ABI1: variants seen among roughly 807,000 people sequenced by gnomAD.
ABI1 encodes abl interactor 1, also known as Abelson interactor 1.
A neutral mutation model predicts 54.6 loss-of-function variants in ABI1; 14 were observed. The ratio of observed to expected loss-of-function variants is 0.26; its 90% CI spans 0.17 to 0.40. ABI1 has a LOEUF of 0.40. Ranked by LOEUF, ABI1 falls within the 10% of genes least tolerant of loss-of-function variation. The pLI is 1.00. For missense variants in ABI1, 443 were observed against 598.3 expected, an observed-to-expected ratio of 0.74 and a Z score of 2.71; for synonymous variants, 194 against 209.3, an observed-to-expected ratio of 0.93 and a Z score of 0.63.
Position 26,809,036 on chromosome 10 carries a change from G to A in ABI1, c.285+14102C>T, listed in dbSNP as rs2927920. Among the ~76,000 whole-genome samples the A allele has an allele frequency of 4.6e-3, 698 of 152,102 alleles. 1 individual carries two copies. Among genetic ancestry groups the A allele is most frequent in the Non-Finnish European group, 7.4e-3 (503 of 67,976 alleles). ...TGTAATCCCAGCACTTTGGGAGGCC[G>A]AGGCAGGCGGATCACCTGAGGTCAG... On this transcript the variant is annotated intron_variant, in intron 2 of 10. Coordinates refer to ENST00000376140, the MANE Select transcript of ABI1 (RefSeq NM_001012750.3).
chr10:26,834,007 T>C (rs764713911), intron 1 of ABI1, among the ~76,000 whole-genome samples: 4 of 152,044 alleles, frequency 2.6e-5, no homozygotes, highest in Non-Finnish European at 5.9e-5. Context: ...AGTGGGTGGA[T>C]CACCTGAGGT....
chr10:26,817,562 GGA>G lies in ABI1; in HGVS notation c.285+5574_285+5575del, dbSNP rs141720092. ...TGAGGTGGGAGGATCACTTGCGGAT[GGA>G]GAGTTAGTGCTTAACAGGTACATTG... On this transcript the variant is annotated intron_variant, in intron 2 of 10. Transcript: ENST00000376140. Among the ~76,000 whole-genome samples, 652 of 152,258 alleles carry G rather than the reference GGA, an allele frequency of 4.3e-3. 4 individuals carry two copies. The highest frequency in any genetic ancestry group is 0.015 in the African/African-American group (611 of 41,538).
Position 26,773,215 on chromosome 10 carries a change from C to CTTTTTTTTTTTTTT in ABI1, c.463-2127_463-2126insAAAAAAAAAAAAAA, listed in dbSNP as rs58739177. Among the ~76,000 whole-genome samples the CTTTTTTTTTTTTTT allele has an allele frequency of 3.8e-4, 35 of 92,468 alleles. 1 individual carries two copies. The highest frequency in any genetic ancestry group is 1.4e-3 in the East Asian group (3 of 2,198). 60.7% of individuals were successfully genotyped at this position (92,468 alleles called of 152,430 possible). A position where few individuals can be genotyped will look rare whatever the true frequency, so the allele number is the denominator to read the frequency against. ...AGGCACTAAATGTCTAATGCTAATT[C>CTTTTTTTTTTTTTT]TTTTTTTTTTTTTGCTGGCTCTGTT... On this transcript the variant is annotated intron_variant, in intron 3 of 10. Transcript: ENST00000376140.
intron 2 of ABI1, among the ~76,000 whole-genome samples, chr10:26,821,238 C>CTTGTCT (rs2047957140): frequency 2.1e-5 from 1 of 46,838 alleles, no homozygotes; most frequent in African/African-American, 9.8e-5. Context: ...GAGCAAGACT[C>CTTGTCT]CATCTAAAAA....
chr10:26,766,725 G>C (rs1170466420), intron 6 of ABI1, among the ~76,000 whole-genome samples: 1 of 152,032 alleles, frequency 6.6e-6, no homozygotes, highest in Non-Finnish European at 1.5e-5. Context: ...ACAAGGGGTT[G>C]GCAAATTATG....
At chr10:26,854,899 G>A (rs976544342) in intron 1 of ABI1, among the ~76,000 whole-genome samples, 3 of 152,188 alleles carry the variant, frequency 2.0e-5, no homozygotes, top group Non-Finnish European at 4.4e-5. Context: ...AGGCAAGGAT[G>A]CAGGAAAAGA....
chr10:26,804,251 T>C (rs920420536), intron 2 of ABI1, among the ~76,000 whole-genome samples: 2 of 151,888 alleles, frequency 1.3e-5, no homozygotes, highest in East Asian at 3.9e-4. Context: ...GTCGTCGTGG[T>C]GCATGTCTGT....
chr10:26,860,761 T>A lies in ABI1; in HGVS notation c.103A>T (p.Asn35Tyr). 6.2e-7 allele frequency: 1 copy of A among 1,613,958 alleles called. No homozygotes were observed. Among genetic ancestry groups the A allele is most frequent in the Non-Finnish European group, 8.5e-7 (1 of 1,179,918 alleles). The change falls in exon 1 of 11, where the codon AAC becomes TAC. Residue 35 changes from asparagine to tyrosine, a missense_variant. This residue lies in a region of ABI1 where 394 missense variants were observed against 484.8 expected (regional missense o/e 0.81). Transcript: ENST00000376140. This position sits in a 1 kb window ranked among gnomAD's most constrained non-coding sequence, Gnocchi z 4.1. ...GAGCGCCTCACCTGTATGTAGTTGT[T>A]TTCACAGTAGTCTGCCACCCGAGTC... ...NLTRVADYCE[N>Y]NYIQATDKRK... is the part of the protein sequence containing the mutation.
At chr10:26,801,991 G>T (rs1030171494) in intron 2 of ABI1, among the ~76,000 whole-genome samples, 1 of 152,228 alleles carries the variant, frequency 6.6e-6, no homozygotes, top group Non-Finnish European at 1.5e-5. Context: ...ACTCCTAATA[G>T]CATGTTTGCT....
chr10:26,791,145 GC>G (rs1413894321), intron 2 of ABI1, among the ~76,000 whole-genome samples: 1 of 148,676 alleles, frequency 6.7e-6, no homozygotes, highest in Non-Finnish European at 1.5e-5. Flanking sequence ...ATTATGACAA[GC>G]AAAAATCATA....
intron 2 of ABI1, among the ~76,000 whole-genome samples, chr10:26,789,908 G>T (rs538657366): frequency 3.3e-5 from 5 of 152,230 alleles, no homozygotes; most frequent in East Asian, 1.9e-4. Flanking sequence ...GCATTACTTT[G>T]CTAAGGATAA....
rs150523388 is a variant in ABI1, at chr10:26,785,566, A to G, written c.286-8325T>C. Among the ~76,000 whole-genome samples the G allele has an allele frequency of 4.2e-3, 642 of 152,234 alleles. 1 individual carries two copies. The highest frequency in any genetic ancestry group is 6.7e-3 in the Non-Finnish European group (454 of 68,014). On this transcript the variant is annotated intron_variant, in intron 2 of 10. Coordinates refer to ENST00000376140, the MANE Select transcript of ABI1 (RefSeq NM_001012750.3). Reference sequence around the variant, plus strand: ...GTGAAATTCCGTCTTTACTAGAAATACAAAAATTAGCCGGGCACGGTGGCA... The same window carrying G: ...GTGAAATTCCGTCTTTACTAGAAATGCAAAAATTAGCCGGGCACGGTGGCA...
chr10:26,801,739 C>T (rs1006456115), intron 2 of ABI1, among the ~76,000 whole-genome samples: 6 of 152,210 alleles, frequency 3.9e-5, no homozygotes, highest in African/African-American at 1.2e-4. Flanking sequence ...ATTCTAATGG[C>T]CCTAAATTCT....
chr10:26,771,591 T>C (rs555904428), intron 3 of ABI1, among the ~76,000 whole-genome samples: 2 of 152,254 alleles, frequency 1.3e-5, no homozygotes, highest in African/African-American at 2.4e-5. Context: ...AACCACAGAT[T>C]GCTTCCAAAA....
intron 1 of ABI1, among the ~76,000 whole-genome samples, chr10:26,825,245 G>A (rs2048235500): frequency 6.6e-6 from 1 of 152,190 alleles, no homozygotes; most frequent in Admixed American, 6.5e-5. Flanking sequence ...AATCAAGCCT[G>A]GGTGTGGTGG....
chr10:26,804,941 A>T (rs988029082), intron 2 of ABI1, among the ~76,000 whole-genome samples: 3 of 152,204 alleles, frequency 2.0e-5, no homozygotes, highest in Non-Finnish European at 2.9e-5. Flanking sequence ...ATACCCAAAA[A>T]TCAATGTAAA....
At chr10:26,829,644 A>G (rs2048536952) in intron 1 of ABI1, among the ~76,000 whole-genome samples, 1 of 152,200 alleles carries the variant, frequency 6.6e-6, no homozygotes, top group Non-Finnish European at 1.5e-5. Flanking sequence ...GGAATTTTCT[A>G]GGGTCATGTC....
intron 2 of ABI1, among the ~76,000 whole-genome samples, chr10:26,809,570 TAAATA>T (rs1264042438): frequency 6.6e-6 from 1 of 151,624 alleles, no homozygotes; most frequent in Non-Finnish European, 1.5e-5. Context: ...AATAAATAAA[TAAATA>T]AAATAAAAAT....
At chr10:26,790,749 T>G (rs1369994513) in intron 2 of ABI1, 1 of 152,052 alleles carries the variant, frequency 6.6e-6, no homozygotes, top group Non-Finnish European at 1.5e-5. Context: ...GGCCTCTGAA[T>G]TTGGGTAATG....
Sources: allele counts gnomAD v4.1 joint callset (sites outside exome capture counted in the v4.1 genomes callset), GRCh38; gene constraint gnomAD v4.1.1; regional missense constraint gnomAD v4.1.1; non-coding constraint Gnocchi (gnomAD v3.1); transcripts MANE v1.5; gene names NCBI Gene and HGNC (gene_info 2026-07-23, HGNC 2026-07-21).